Variants in HMCN1 observed in about 807,000 individuals in gnomAD.
HMCN1 encodes hemicentin 1, also known as hemicentin-1.
HMCN1 carries 321 observed loss-of-function variants against 625.9 expected under a neutral mutation model. The observed-to-expected ratio is 0.51, with a 90% CI of 0.47 to 0.56. The LOEUF (loss-of-function observed/expected upper bound fraction) is 0.56. Ranked by LOEUF, HMCN1 falls within the 20% of genes least tolerant of loss-of-function variation. The probability of loss-of-function intolerance (pLI) is 0.00; values close to 1 mark genes in which losing one functional copy is unlikely to be tolerated. For missense variants in HMCN1, 6,588 were observed against 6,887.3 expected (o/e 0.96, Z 1.54); for synonymous variants, 2,425 against 2,417.6 (o/e 1.00, Z -0.09).
At chr1:186,093,764 T>C in intron 66 of HMCN1, 95 bp downstream of exon 66, 1 of 1,535,120 alleles carries the variant, frequency 6.5e-7, no homozygotes, top group Non-Finnish European at 9.0e-7. Context: ...AATGTTTTTT[T>C]CTAAGCCTTT....
At chr1:186,084,766 A>G (rs1659373844) in intron 57 of HMCN1, among the ~76,000 whole-genome samples, 1 of 152,060 alleles carries the variant, frequency 6.6e-6, no homozygotes. Context: ...CAAGGACAAC[A>G]AACTGACTGC....
chr1:186,137,459 T>C, intron 87 of HMCN1, 39 bp from the exon 88 acceptor site: 1 of 1,601,672 alleles, frequency 6.2e-7, no homozygotes. Flanking sequence ...AATGTTTTAT[T>C]TGCAAAAGCT....
chr1:186,107,957 T>G (rs919364647), intron 70 of HMCN1, among the ~76,000 whole-genome samples: 82 of 147,200 alleles, frequency 5.6e-4, no homozygotes, highest in African/African-American at 2.1e-3. Flanking sequence ...ATAGCCTAAA[T>G]GACTAGGCAG....
At chr1:185,737,933 A>C (rs1230445512) in intron 1 of HMCN1, among the ~76,000 whole-genome samples, 2 of 152,200 alleles carry the variant, frequency 1.3e-5, no homozygotes, top group Non-Finnish European at 2.9e-5. Context: ...GTGTCTAACA[A>C]GTTGAAAATG....
In HMCN1 at chr1:186,088,198, A is replaced by C; in HGVS notation, c.9499A>C (p.Asn3167His). 6.2e-7 allele frequency: 1 copy of C among 1,612,856 alleles called. No individual in the cohort carries two copies. Among genetic ancestry groups the C allele is most frequent in the Non-Finnish European group, 8.5e-7 (1 of 1,179,334 alleles). The part of the protein sequence containing the change: ...EREVIVETIS[N>H]PVTLTCDATG... ...AGAAGTGATTGTGGAGACGATCAGC[A>C]ATCCTGTGACATTAACATGTGATGC... The change falls in exon 62 of 107, where the codon AAT becomes CAT. Residue 3167 changes from asparagine (N) to histidine (H), a missense_variant. Asn to His is a moderately conservative substitution (Grantham distance 68). Coordinates refer to ENST00000271588, the MANE Select transcript of HMCN1 (RefSeq NM_031935.3).
chr1:186,149,804 AT>A (rs1650557634), intron 93 of HMCN1, among the ~76,000 whole-genome samples: 1 of 152,146 alleles, frequency 6.6e-6, no homozygotes. Context: ...TAGTTTCAAT[AT>A]TGTGTCTCAG....
chr1:186,142,223 T>G (rs565198250), intron 89 of HMCN1, among the ~76,000 whole-genome samples: 99 of 152,314 alleles, frequency 6.5e-4, no homozygotes, highest in African/African-American at 2.2e-3. Context: ...TTCTCATTAT[T>G]TAGCTCCCAT....
chr1:186,164,880 A>G (rs185030290), intron 97 of HMCN1, among the ~76,000 whole-genome samples: 2 of 152,364 alleles, frequency 1.3e-5, no homozygotes, highest in Admixed American at 1.3e-4. Flanking sequence ...AATAACTTAC[A>G]CACGAAACCT....
At chr1:185,885,183 A>G (rs1421334221) in intron 4 of HMCN1, among the ~76,000 whole-genome samples, 1 of 151,834 alleles carries the variant, frequency 6.6e-6, no homozygotes, top group African/African-American at 2.4e-5. Context: ...AGAATTCAGT[A>G]TATTAGAAAC....
At position 186,190,348 on chromosome 1, in the gene HMCN1, T is replaced by C. The variant is rs1653645317; in HGVS notation, c.*470T>C. The C allele has an allele frequency of 4.6e-6, 1 of 215,100 alleles. No homozygotes were observed. Among genetic ancestry groups the C allele is most frequent in the East Asian group, 7.5e-5 (1 of 13,364 alleles). 13.3% of individuals were successfully genotyped at this position (215,100 alleles called of 1,614,324 possible). Reference sequence around the variant, plus strand: ...AATAACTTACGGAGATTTTTGTAAGTATTGATACATTATAATAGGACTTGC... The same window carrying C: ...AATAACTTACGGAGATTTTTGTAAGCATTGATACATTATAATAGGACTTGC... On this transcript the variant is annotated 3_prime_UTR_variant, in exon 107 of 107. Transcript: ENST00000271588.
intron 4 of HMCN1, among the ~76,000 whole-genome samples, chr1:185,893,371 A>T (rs894757268): frequency 6.6e-6 from 1 of 152,158 alleles, no homozygotes; most frequent in Admixed American, 6.5e-5. Flanking sequence ...TTTATTTTAC[A>T]ATCAGTGGCG....
chr1:185,775,274 A>G (rs1271615605), intron 1 of HMCN1, among the ~76,000 whole-genome samples: 1 of 152,182 alleles, frequency 6.6e-6, no homozygotes, highest in Non-Finnish European at 1.5e-5. Flanking sequence ...GTTGTGGCAC[A>G]CACCTGTAGT....
At chr1:185,968,610 T>C (rs955907813) in intron 14 of HMCN1, among the ~76,000 whole-genome samples, 13 of 152,004 alleles carry the variant, frequency 8.6e-5, no homozygotes, top group African/African-American at 3.1e-4. Flanking sequence ...ATCAATTATT[T>C]GAAAAGATCT....
Position 186,019,398 on chromosome 1 carries a change from C to T in HMCN1, c.5471-143C>T, listed in dbSNP as rs1654567434. On this transcript the variant is annotated intron_variant, in intron 34 of 106. Coordinates refer to ENST00000271588, the MANE Select transcript of HMCN1 (RefSeq NM_031935.3). ...GCTAAAAAATTATAAATTAAATGCA[C>T]ATGATGAAAGTATTTCATTGTTAAA... 4 of 668,802 alleles carry T rather than the reference C, an allele frequency of 6.0e-6. No individual in the cohort carries two copies. The South Asian group carries it at 6.8e-5, about 11-fold the overall frequency. 41.4% of individuals were successfully genotyped at this position (668,802 alleles called of 1,614,324 possible).
intron 1 of HMCN1, among the ~76,000 whole-genome samples, chr1:185,764,138 T>C (rs748014278): frequency 5.9e-5 from 9 of 152,194 alleles, no homozygotes; most frequent in Non-Finnish European, 1.2e-4. Flanking sequence ...TGGGATTCTA[T>C]AAAATAAATT....
At chr1:186,184,940 T>A (rs1653187099) in intron 105 of HMCN1, among the ~76,000 whole-genome samples, 1 of 152,154 alleles carries the variant, frequency 6.6e-6, no homozygotes, top group Non-Finnish European at 1.5e-5. Flanking sequence ...TTCTTTTTTT[T>A]AAGAATAGTG....
At chr1:186,070,502 CCT>C in intron 51 of HMCN1, 108 bp from the exon 52 acceptor site, 1 of 916,798 alleles carries the variant, frequency 1.1e-6, no homozygotes, top group Non-Finnish European at 1.8e-6. Flanking sequence ...GCATAGAATG[CCT>C]CTGTTATTTC....
At chr1:186,188,064 C>G (rs1306478478) in intron 106 of HMCN1, 55 bp downstream of exon 106, 12 of 1,602,202 alleles carry the variant, frequency 7.5e-6, no homozygotes, top group Non-Finnish European at 1.0e-5. Flanking sequence ...CCTCCCACTC[C>G]TTGACCAACA....
chr1:186,014,291 T>C (rs1046210150), intron 30 of HMCN1, among the ~76,000 whole-genome samples: 1 of 151,270 alleles, frequency 6.6e-6, no homozygotes, highest in Non-Finnish European at 1.5e-5. Flanking sequence ...TTATATAGAT[T>C]ATATTGATAC....
Sources: gnomAD v4.1 joint callset for allele counts (sites outside exome capture counted in the v4.1 genomes callset) on GRCh38, gnomAD v4.1.1 for gene constraint, MANE v1.5 for transcripts, NCBI Gene and HGNC (gene_info 2026-07-23, HGNC 2026-07-21) for gene names.